LRTM1: variants seen among roughly 807,000 people sequenced by gnomAD.
LRTM1 encodes the protein leucine rich repeat transmembrane protein 1.
LRTM1 carries 38 observed loss-of-function variants against 32.4 expected under a neutral mutation model. That is an observed-to-expected ratio of 1.17 (90% CI 0.91 to 1.54). The LOEUF is 1.54. Ranked by LOEUF, LRTM1 falls within the 40% of genes most tolerant of loss-of-function variation. The pLI, the probability that LRTM1 is intolerant of heterozygous loss-of-function variation, is 0.00. For synonymous variants in LRTM1, 186 were observed against 169.9 expected, an observed-to-expected ratio of 1.09 and a Z score of -0.74; for missense variants, 466 against 415.4, an observed-to-expected ratio of 1.12 and a Z score of -1.06.
At chr3:54,966,392 C>T (rs1702150813) in intron 1 of LRTM1, among the ~76,000 whole-genome samples, 1 of 152,192 alleles carries the variant, frequency 6.6e-6, no homozygotes, top group Non-Finnish European at 1.5e-5. Flanking sequence ...GAAATGTTCT[C>T]CAATGCTGGG....
Position 54,924,806 on chromosome 3 carries a change from T to C in LRTM1, c.417A>G (p.Thr139=). The change falls in exon 2 of 3, where the codon ACA becomes ACG. Residue 139 remains threonine (T), a synonymous_variant. Transcript: ENST00000273286. ...LSSNNISHLP[T]SLGETWENLT... is the part of the protein sequence containing the mutation. ...GGTTCTCCCAAGTCTCTCCCAAGGA[T>C]GTGGGAAGGTGGCTTATGTTGTTTG... 1 of 1,613,926 alleles carries C rather than the reference T, an allele frequency of 6.2e-7. No homozygotes were observed. Among genetic ancestry groups the C allele is most frequent in the Non-Finnish European group, 8.5e-7 (1 of 1,179,984 alleles).
chr3:54,938,206 G>T (rs1274406002), intron 1 of LRTM1, among the ~76,000 whole-genome samples: 1 of 152,236 alleles, frequency 6.6e-6, no homozygotes, highest in Non-Finnish European at 1.5e-5. Context: ...AACCAGCCCT[G>T]CTGGGGCTCC....
intron 1 of LRTM1, among the ~76,000 whole-genome samples, chr3:54,943,409 G>T (rs1369951686): frequency 6.6e-6 from 1 of 152,078 alleles, no homozygotes; most frequent in Non-Finnish European, 1.5e-5. Context: ...AATACATGGT[G>T]CTTTGGACTT....
intron 1 of LRTM1, among the ~76,000 whole-genome samples, chr3:54,938,994 G>A (rs1701393828): frequency 6.6e-6 from 1 of 152,158 alleles, no homozygotes; most frequent in Admixed American, 6.5e-5. Context: ...GGTAGCACAC[G>A]TTAGACAGCA....
At chr3:54,924,578 G>T in intron 2 of LRTM1, 41 bp downstream of exon 2, 1 of 1,465,206 alleles carries the variant, frequency 6.8e-7, no homozygotes, top group Non-Finnish European at 9.5e-7. Flanking sequence ...ATCCTAGGCT[G>T]GTAACACACA....
At chr3:54,929,326 G>T (rs886468624), upstream of LRTM1, among the ~76,000 whole-genome samples, 1 of 152,152 alleles carries the variant, frequency 6.6e-6, no homozygotes, top group Non-Finnish European at 1.5e-5. Context: ...AGGCTTTCAG[G>T]ATTTGTATGC....
intron 1 of LRTM1, among the ~76,000 whole-genome samples, chr3:54,957,420 A>T (rs1701926637): frequency 6.6e-6 from 1 of 152,146 alleles, no homozygotes; most frequent in Admixed American, 6.5e-5. Context: ...AAGTGCTGGG[A>T]TTACAGGTGT....
intron 1 of LRTM1, among the ~76,000 whole-genome samples, chr3:54,936,148 T>C (rs1701322796): frequency 6.7e-6 from 1 of 150,210 alleles, no homozygotes; most frequent in Non-Finnish European, 1.5e-5. Flanking sequence ...CAGTTTTTTA[T>C]CACGAGAATC....
intron 2 of LRTM1, among the ~76,000 whole-genome samples, chr3:54,920,006 G>C (rs1285654822): frequency 1.3e-5 from 2 of 152,196 alleles, no homozygotes; most frequent in Non-Finnish European, 2.9e-5. Context: ...TGATTGGACA[G>C]AACTGCCCCA....
upstream of LRTM1, among the ~76,000 whole-genome samples, chr3:54,930,309 G>A (rs1476530739): frequency 6.6e-6 from 1 of 152,070 alleles, no homozygotes; most frequent in Non-Finnish European, 1.5e-5. Context: ...TCAAATGAGG[G>A]GGTTGGGTAA....
intron 1 of LRTM1, among the ~76,000 whole-genome samples, chr3:54,943,646 T>G (rs1386193282): frequency 6.6e-6 from 1 of 152,178 alleles, no homozygotes; most frequent in Non-Finnish European, 1.5e-5. Flanking sequence ...CATCTTAAAT[T>G]TTCCCCCATG....
At chr3:54,945,403 CT>C (rs1028705638) in intron 1 of LRTM1, among the ~76,000 whole-genome samples, 8 of 152,180 alleles carry the variant, frequency 5.3e-5, no homozygotes, top group African/African-American at 1.9e-4. Flanking sequence ...AATGCCATCT[CT>C]TTTTTGACCT....
chr3:54,954,770 C>A (rs1332217126), intron 1 of LRTM1, among the ~76,000 whole-genome samples: 1 of 152,180 alleles, frequency 6.6e-6, no homozygotes, highest in Non-Finnish European at 1.5e-5. Flanking sequence ...TCCTCCCTTC[C>A]CTGAGGCCTT....
At chr3:54,959,254 G>T (rs1701976488) in intron 1 of LRTM1, among the ~76,000 whole-genome samples, 1 of 152,188 alleles carries the variant, frequency 6.6e-6, no homozygotes, top group Non-Finnish European at 1.5e-5. Flanking sequence ...GTGGTGTTCA[G>T]TTCACCACAG....
chr3:54,951,286 C>T (rs1054380401), intron 1 of LRTM1, among the ~76,000 whole-genome samples: 1 of 152,190 alleles, frequency 6.6e-6, no homozygotes. Flanking sequence ...TGCCAGATAC[C>T]TCTGTAATAG....
At chr3:54,960,577 T>G (rs1702007136) in intron 1 of LRTM1, among the ~76,000 whole-genome samples, 1 of 152,236 alleles carries the variant, frequency 6.6e-6, no homozygotes, top group Non-Finnish European at 1.5e-5. Flanking sequence ...TGCTTTGATC[T>G]AAATATTTCT....
chr3:54,954,485 A>T (rs1336053360), intron 1 of LRTM1, among the ~76,000 whole-genome samples: 1 of 152,244 alleles, frequency 6.6e-6, no homozygotes, highest in East Asian at 1.9e-4. Context: ...AGGAAGGCAG[A>T]TGCCTGCCCA....
chr3:54,926,124 C>T (rs987033699), intron 1 of LRTM1, among the ~76,000 whole-genome samples: 2 of 152,124 alleles, frequency 1.3e-5, no homozygotes, highest in Non-Finnish European at 2.9e-5. Context: ...AAGCCCTTTT[C>T]CTCACACCAT....
chr3:54,924,497 G>A, intron 2 of LRTM1, 122 bp downstream of exon 2: 2 of 771,688 alleles, frequency 2.6e-6, no homozygotes, highest in Non-Finnish European at 4.2e-6. Flanking sequence ...TGGCACCGAT[G>A]TGTAAAAGCC....
Sources: gnomAD v4.1 joint callset for allele counts (sites outside exome capture counted in the v4.1 genomes callset) on GRCh38, gnomAD v4.1.1 for gene constraint, MANE v1.5 for transcripts, NCBI Gene and HGNC (gene_info 2026-07-23, HGNC 2026-07-21) for gene names.